Variants in CSTPP1 observed in about 807,000 individuals in gnomAD.
CSTPP1 encodes the protein centriolar satellite-associated tubulin polyglutamylase complex regulator 1, also known as UPF0705 protein C11orf49.
At chr11:46,965,843 C>T in the CSTPP1 span, among the ~76,000 whole-genome samples, 9 of 152,196 alleles carry the variant, frequency 5.9e-5, no homozygotes, top group Non-Finnish European at 1.3e-4. Context: ...TCTAAAACTA[C>T]ATCAGTGAAC....
the CSTPP1 span, chr11:47,159,619 C>T: frequency 2.2e-6 from 1 of 456,268 alleles, no homozygotes; most frequent in Admixed American, 2.3e-5. Context: ...ACCACTCTTT[C>T]TTCCCACCAG....
At chr11:47,129,346 A>G in the CSTPP1 span, among the ~76,000 whole-genome samples, 2 of 152,242 alleles carry the variant, frequency 1.3e-5, no homozygotes, top group South Asian at 2.1e-4. Flanking sequence ...TCTACATTCT[A>G]GTGTCCAAAA....
the CSTPP1 span, among the ~76,000 whole-genome samples, chr11:47,038,099 G>A: frequency 1.1e-4 from 8 of 76,008 alleles, no homozygotes; most frequent in Admixed American, 1.4e-4. Flanking sequence ...GGCCGGGCGG[G>A]GGGCTGACCC....
the CSTPP1 span, among the ~76,000 whole-genome samples, chr11:47,013,117 T>C: frequency 6.9e-6 from 1 of 144,294 alleles, no homozygotes. Flanking sequence ...ATAAATAACA[T>C]ATATAATCAT....
At chr11:46,985,792 A>G in the CSTPP1 span, among the ~76,000 whole-genome samples, 16 of 152,304 alleles carry the variant, frequency 1.1e-4, no homozygotes, top group East Asian at 3.1e-3. Flanking sequence ...TCATAACCCT[A>G]TAATGTAAGT....
chr11:46,981,455 T>G, the CSTPP1 span, among the ~76,000 whole-genome samples: 2 of 152,120 alleles, frequency 1.3e-5, no homozygotes, highest in Non-Finnish European at 2.9e-5. Flanking sequence ...AAAATTATTG[T>G]GTGTTTAACT....
At chr11:47,057,172 G>A in the CSTPP1 span, among the ~76,000 whole-genome samples, 1 of 151,982 alleles carries the variant, frequency 6.6e-6, no homozygotes, top group Non-Finnish European at 1.5e-5. Context: ...TTAGACTCTT[G>A]GAAGCAAAAG....
chr11:47,062,048 T>G, the CSTPP1 span, among the ~76,000 whole-genome samples: 1 of 152,188 alleles, frequency 6.6e-6, no homozygotes, highest in African/African-American at 2.4e-5. Flanking sequence ...GTTTTAGTTT[T>G]AAAGGTCAGG....
chr11:47,045,613 G>C, the CSTPP1 span, among the ~76,000 whole-genome samples: 4 of 152,122 alleles, frequency 2.6e-5, no homozygotes, highest in African/African-American at 7.2e-5. Flanking sequence ...TCAGATAAGT[G>C]ATTATGGATC....
At chr11:47,001,167 T>A in the CSTPP1 span, among the ~76,000 whole-genome samples, 3 of 152,204 alleles carry the variant, frequency 2.0e-5, no homozygotes, top group Non-Finnish European at 4.4e-5. Context: ...CCAAAAATGA[T>A]CATTTGATTG....
the CSTPP1 span, chr11:47,156,911 T>C: frequency 9.0e-7 from 1 of 1,112,790 alleles, no homozygotes. Context: ...CCCTGAGCAC[T>C]GAGGCTGGTG....
chr11:47,073,267 T>C, the CSTPP1 span, among the ~76,000 whole-genome samples: 1 of 152,320 alleles, frequency 6.6e-6, no homozygotes, highest in South Asian at 2.1e-4. Context: ...ATGCTTACAA[T>C]CTAGCTGGGA....
At chr11:47,030,464 T>G in the CSTPP1 span, among the ~76,000 whole-genome samples, 1 of 152,234 alleles carries the variant, frequency 6.6e-6, no homozygotes. Context: ...ATGTGGAATG[T>G]GAATAGCTAT....
At chr11:47,017,249 A>C in the CSTPP1 span, among the ~76,000 whole-genome samples, 101 of 143,394 alleles carry the variant, frequency 7.0e-4, no homozygotes, top group Non-Finnish European at 1.2e-3. Context: ...ATCTTGGCTC[A>C]CTGCAACCTC....
chr11:47,094,576 A>G, the CSTPP1 span, among the ~76,000 whole-genome samples: 1 of 152,148 alleles, frequency 6.6e-6, no homozygotes, highest in Non-Finnish European at 1.5e-5. Flanking sequence ...CATATATCCA[A>G]GCTCATCAAA....
the CSTPP1 span, among the ~76,000 whole-genome samples, chr11:47,110,890 C>CTTTTTTTTTTTT: frequency 4.8e-5 from 6 of 125,496 alleles, 1 homozygote; most frequent in East Asian, 2.8e-4. Context: ...GAGAACACAT[C>CTTTTTTTTTTTT]TTTTTTTTTT....
chr11:47,113,570 T>C, the CSTPP1 span, among the ~76,000 whole-genome samples: 3 of 152,254 alleles, frequency 2.0e-5, no homozygotes, highest in East Asian at 3.8e-4. Flanking sequence ...TATTTCATTA[T>C]GGTTTTGATT....
the CSTPP1 span, among the ~76,000 whole-genome samples, chr11:47,008,453 A>C: frequency 6.6e-6 from 1 of 152,152 alleles, no homozygotes; most frequent in South Asian, 2.1e-4. Context: ...ATATTGTGAG[A>C]TATCTGGTAT....
At chr11:47,155,016 T>G in the CSTPP1 span, 1 of 659,760 alleles carries the variant, frequency 1.5e-6, no homozygotes, top group Non-Finnish European at 2.7e-6. Flanking sequence ...TTGGGAGCCC[T>G]CTCCTAAATG....
Sources: allele counts gnomAD v4.1 joint callset (sites outside exome capture counted in the v4.1 genomes callset), GRCh38; gene constraint gnomAD v4.1.1; transcripts MANE v1.5; gene names NCBI Gene and HGNC (gene_info 2026-07-23, HGNC 2026-07-21).